MROH2A: variants seen among roughly 807,000 people sequenced by gnomAD.
MROH2A encodes the protein maestro heat like repeat family member 2A.
A neutral mutation model predicts 200.4 loss-of-function variants in MROH2A; 174 were observed. That is an observed-to-expected ratio of 0.87 (90% CI 0.77 to 0.98). The LOEUF is 0.98. Ranked by LOEUF, MROH2A falls within the 50% of genes least tolerant of loss-of-function variation. MROH2A has a pLI of 0.00. For missense variants in MROH2A, 2,045 were observed against 2,139.6 expected (o/e 0.96, Z 0.87); for synonymous variants, 829 against 840.4 (o/e 0.99, Z 0.23).
Position 233,822,991 on chromosome 2 carries a change from T to A in MROH2A, c.3977T>A (p.Phe1326Tyr). 6.4e-7 allele frequency: 1 copy of A among 1,550,468 alleles called. No homozygotes were observed. The highest frequency in any genetic ancestry group is 8.7e-7 in the Non-Finnish European group (1 of 1,146,972). The change falls in exon 34 of 42, where the codon TTC (phenylalanine) becomes TAC (tyrosine). Residue 1326 changes from phenylalanine to tyrosine, a missense_variant. By Grantham distance (22) the Phe-to-Tyr change is conservative (BLOSUM62 3). Around this residue, in one of 3 missense-constraint regions of MROH2A, gnomAD observed 1,201 missense variants for 1,311.3 expected, o/e 0.92. Transcript: ENST00000389758. Reference protein sequence around the residue: ...VWDLLQDGGTFLEGVSLLARL... With the variant: ...VWDLLQDGGTYLEGVSLLARL... ...GACCTCCTGCAGGACGGCGGGACAT[T>A]CCTGGAGGGTGTGAGCCTGCTGGCC...
At chr2:233,791,672 C>G (rs529540165) in intron 5 of MROH2A, among the ~76,000 whole-genome samples, 109 of 152,136 alleles carry the variant, frequency 7.2e-4, no homozygotes, top group African/African-American at 2.5e-3. Context: ...TGGCAAGGCT[C>G]GGGAGGAGTC....
rs1406434885 is a variant in MROH2A at position 233,807,482 on chromosome 2, G to A, written c.2112G>A (p.Val704=). The change falls in exon 20 of 42, where the codon GTG becomes GTA. Residue 704 remains valine, a synonymous_variant. Coordinates refer to ENST00000389758, the MANE Select transcript of MROH2A (RefSeq NM_001394639.1). This position sits in a 1 kb window ranked among gnomAD's most constrained non-coding sequence, Gnocchi z 4.3. Reference sequence around the variant, plus strand: ...CCACAGGCCTGGAGGCCAGCAAGGTGGAGGTCCTGCTGTTGGAGCTGCTGT... The same window carrying A: ...CCACAGGCCTGGAGGCCAGCAAGGTAGAGGTCCTGCTGTTGGAGCTGCTGT... The part of the protein sequence containing the change: ...TLATGLEASK[V]EVLLLELLYK... The A allele has an allele frequency of 2.6e-6, 4 of 1,550,642 alleles. No individual in the cohort carries two copies. The highest frequency in any genetic ancestry group is 2.4e-5 in the South Asian group (2 of 84,064).
chr2:233,793,533 T>TG, intron 6 of MROH2A, 140 bp from the exon 7 acceptor site: 1 of 675,490 alleles, frequency 1.5e-6, no homozygotes, highest in Non-Finnish European at 2.2e-6. Context: ...GAAGGTGCTG[T>TG]GGGGGGTTGG....
chr2:233,778,570 G>A (rs1480311042), intron 1 of MROH2A, 89 bp downstream of exon 1: 1 of 166,818 alleles, frequency 6.0e-6, no homozygotes, highest in African/African-American at 2.4e-5. Context: ...ATGGATCTTT[G>A]AGGATCAAGG....
intron 41 of MROH2A, 33 bp downstream of exon 41, chr2:233,832,677 A>T: frequency 1.5e-6 from 2 of 1,374,906 alleles, no homozygotes; most frequent in Non-Finnish European, 2.0e-6. Flanking sequence ...TGTTGAGTCC[A>T]CGACTCACCA....
At chr2:233,777,845 G>C (rs1323366106), upstream of MROH2A, among the ~76,000 whole-genome samples, 1 of 152,174 alleles carries the variant, frequency 6.6e-6, no homozygotes. Flanking sequence ...AATCCTTTGG[G>C]CTCCACTTTT....
chr2:233,782,513 T>C (rs904487483), intron 3 of MROH2A, among the ~76,000 whole-genome samples: 1 of 152,210 alleles, frequency 6.6e-6, no homozygotes, highest in African/African-American at 2.4e-5. Context: ...AAGTGTTCTG[T>C]TGTTTGCCAT....
Position 233,804,312 on chromosome 2 carries a change from C to T in MROH2A, c.1891+120C>T, listed in dbSNP as rs1413797904. 6 of 1,435,890 alleles carry T rather than the reference C, an allele frequency of 4.2e-6. No individual in the cohort carries two copies. The African/African-American group carries it at 8.5e-5, about 20-fold the overall frequency. 88.9% of individuals were successfully genotyped at this position (1,435,890 alleles called of 1,614,324 possible). A position where few individuals can be genotyped will look rare whatever the true frequency, so the allele number is the denominator to read the frequency against. ...TCACAGTTGACCCACACAGCCAGCC[C>T]ACTTTTGTCCTGAGAACTGGTTGAG... On this transcript the variant is annotated intron_variant, in intron 17 of 41. Coordinates refer to ENST00000389758, the MANE Select transcript of MROH2A (RefSeq NM_001394639.1).
Position 233,807,878 on chromosome 2 carries a change from C to T in MROH2A, c.2295+23C>T. ...CGGGTAAGCCACCTTCCCTCCACAA[C>T]TGGGTCTTGGGATCTCTTAGCACAG... On this transcript the variant is annotated intron_variant, in intron 21 of 41. Transcript: ENST00000389758. The surrounding 1 kb of genome is among the most constrained non-coding windows in gnomAD (Gnocchi z 4.3). The T allele has an allele frequency of 6.4e-7, 1 of 1,550,988 alleles. No homozygotes were observed. Among genetic ancestry groups the T allele is most frequent in the Non-Finnish European group, 8.7e-7 (1 of 1,147,064 alleles).
intron 30 of MROH2A, 50 bp downstream of exon 30, chr2:233,819,519 G>A: frequency 6.5e-7 from 1 of 1,531,582 alleles, no homozygotes; most frequent in Non-Finnish European, 8.8e-7. Flanking sequence ...GGGCTGCCTG[G>A]TGTGCCCAGA....
intron 25 of MROH2A, 146 bp from the exon 26 acceptor site, chr2:233,814,436 A>C: frequency 1.7e-6 from 1 of 595,370 alleles, no homozygotes; most frequent in South Asian, 2.2e-5. Context: ...CTTGTACTTC[A>C]CTTGAGAAAA....
chr2:233,792,312 T>C (rs1701817991), intron 5 of MROH2A, among the ~76,000 whole-genome samples: 1 of 148,112 alleles, frequency 6.8e-6, no homozygotes, highest in Non-Finnish European at 1.5e-5. Flanking sequence ...TGCTTCTAGC[T>C]CACTTTTTTT....
rs1702648250 is a variant in MROH2A, at chr2:233,804,159, C to T, written c.1858C>T (p.Leu620=). 6.4e-7 allele frequency: 1 copy of T among 1,550,558 alleles called. No individual in the cohort carries two copies. Among genetic ancestry groups the T allele is most frequent in the South Asian group, 1.2e-5 (1 of 84,058 alleles). ...ACCCTCCATGGCCGACATGTGGGAG[C>T]TGGAGATTGCGCTACTGGTCCGGTA... The part of the protein sequence containing the change: ...IAPSMADMWE[L]EIALLVRYLE... Residue 620 remains leucine, a synonymous_variant, in exon 17 of 42, where the codon CTG becomes TTG. Coordinates refer to ENST00000389758, the MANE Select transcript of MROH2A (RefSeq NM_001394639.1).
rs748944821 is a variant in MROH2A, at chr2:233,804,994, G to A, written c.1945-10G>A. ...TTGGCCCTTCTCACCAACGTCTTGTGCCTCCCCAGTTTCTGCGAAACTCCC... is the reference window on the plus strand; with the variant it reads ...TTGGCCCTTCTCACCAACGTCTTGTACCTCCCCAGTTTCTGCGAAACTCCC... On this transcript the variant is annotated splice_polypyrimidine_tract_variant and intron_variant, in intron 18 of 41. Transcript: ENST00000389758. 1.7e-5 allele frequency: 26 copies of A among 1,535,344 alleles called. 1 individual carries two copies. Among genetic ancestry groups the A allele is most frequent in the South Asian group, 6.0e-5 (5 of 83,688 alleles).
At chr2:233,826,049 C>T (rs1011085851) in intron 35 of MROH2A, among the ~76,000 whole-genome samples, 1 of 149,302 alleles carries the variant, frequency 6.7e-6, no homozygotes, top group Non-Finnish European at 1.5e-5. Context: ...CTCAGCCTTT[C>T]GAGTAGCTGG....
chr2:233,786,222 C>T (rs1056601231), intron 3 of MROH2A, among the ~76,000 whole-genome samples: 1 of 152,144 alleles, frequency 6.6e-6, no homozygotes, highest in African/African-American at 2.4e-5. Flanking sequence ...ACTATGAGTC[C>T]ATTAAACCTC....
At chr2:233,793,970 G>A in intron 7 of MROH2A, 146 bp downstream of exon 7, 1 of 789,664 alleles carries the variant, frequency 1.3e-6, no homozygotes, top group South Asian at 3.2e-5. Context: ...GGCAGAGCCG[G>A]GGAACTCATG....
In MROH2A at chr2:233,804,511, T is replaced by C. The variant is rs778967756; in HGVS notation, c.1908T>C (p.Thr636=). ...TTCCTGCAGAACATACTGAGTTCAC[T>C]TGGGATCAGAAAGCCTGGGAAGACA... The part of the protein sequence containing the change: ...VRYLEEHTEF[T]WDQKAWEDKL... The change falls in exon 18 of 42, where the codon ACT becomes ACC. Residue 636 remains threonine (T), a synonymous_variant. Coordinates refer to ENST00000389758, the MANE Select transcript of MROH2A (RefSeq NM_001394639.1). 2.6e-6 allele frequency: 4 copies of C among 1,551,268 alleles called. No homozygotes were observed. The South Asian group carries it at 3.6e-5, about 14-fold the overall frequency.
At chr2:233,790,272 TTTC>T (rs1336500949) in intron 5 of MROH2A, among the ~76,000 whole-genome samples, 1 of 139,830 alleles carries the variant, frequency 7.2e-6, no homozygotes, top group Non-Finnish European at 1.5e-5. Flanking sequence ...TCCATCTCTC[TTTC>T]TTTTTTAATT....
Sources: allele counts gnomAD v4.1 joint callset (sites outside exome capture counted in the v4.1 genomes callset), GRCh38; gene constraint gnomAD v4.1.1; regional missense constraint gnomAD v4.1.1; non-coding constraint Gnocchi (gnomAD v3.1); transcripts MANE v1.5; gene names NCBI Gene and HGNC (gene_info 2026-07-23, HGNC 2026-07-21).